TNFRSF1B: variants seen among roughly 807,000 people sequenced by gnomAD.
TNFRSF1B encodes the protein TNF receptor superfamily member 1B.
Under a neutral mutation model 44.6 loss-of-function variants are expected in TNFRSF1B, and 19 were observed. That is an observed-to-expected ratio of 0.43 (90% CI 0.30 to 0.62). The LOEUF (loss-of-function observed/expected upper bound fraction) is 0.62. Among genes scored for constraint, TNFRSF1B ranks in the 20% least tolerant of loss-of-function variants. The pLI, the probability that TNFRSF1B is intolerant of heterozygous loss-of-function variation, is 0.16. For missense variants in TNFRSF1B, 541 were observed against 619.9 expected, an observed-to-expected ratio of 0.87 and a Z score of 1.35; for synonymous variants, 252 against 261.1, an observed-to-expected ratio of 0.97 and a Z score of 0.34.
At chr1:12,201,071 A>G (rs964378416) in intron 8 of TNFRSF1B, among the ~76,000 whole-genome samples, 5 of 152,122 alleles carry the variant, frequency 3.3e-5, no homozygotes, top group Non-Finnish European at 7.4e-5. Flanking sequence ...TGGGTAACAT[A>G]GCACAACCCT....
chr1:12,201,260 CAAAAAAA>C (rs1177930307), intron 8 of TNFRSF1B, among the ~76,000 whole-genome samples: 5 of 55,802 alleles, frequency 9.0e-5, no homozygotes, highest in African/African-American at 1.3e-4. Flanking sequence ...GACCCTGTCT[CAAAAAAA>C]AAAAAAAAAA....
intron 1 of TNFRSF1B, among the ~76,000 whole-genome samples, chr1:12,185,141 G>C (rs566291462): frequency 6.6e-6 from 1 of 152,270 alleles, no homozygotes; most frequent in East Asian, 1.9e-4. Flanking sequence ...AGCTGCAGAA[G>C]CTGCCATTTC....
At position 12,206,976 on chromosome 1, in the gene TNFRSF1B, C is replaced by T. The variant is rs1222778333; in HGVS notation, c.1342C>T (p.Pro448Ser). 6.2e-7 allele frequency: 1 copy of T among 1,607,710 alleles called. No homozygotes were observed. The highest frequency in any genetic ancestry group is 1.7e-5 in the Admixed American group (1 of 59,744). Reference protein sequence around the residue: ...ETLLGSTEEKPLPLGVPDAGM... With the variant: ...ETLLGSTEEKSLPLGVPDAGM... The stretch of plus-strand genomic sequence containing the variant: ...CCTGCTGGGGAGCACCGAAGAGAAG[C>T]CCCTGCCCCTTGGAGTGCCTGATGC... Residue 448 changes from proline (P) to serine (S), a missense_variant, in exon 10 of 10, where the codon CCC becomes TCC. Transcript: ENST00000376259.
intron 8 of TNFRSF1B, among the ~76,000 whole-genome samples, chr1:12,198,643 G>A (rs1639320847): frequency 6.6e-6 from 1 of 151,728 alleles, no homozygotes; most frequent in Non-Finnish European, 1.5e-5. Context: ...GGCCAGGAGG[G>A]GCCGGGAGCT....
At chr1:12,175,936 C>G (rs766309841) in intron 1 of TNFRSF1B, among the ~76,000 whole-genome samples, 2 of 151,946 alleles carry the variant, frequency 1.3e-5, no homozygotes, top group Non-Finnish European at 2.9e-5. Flanking sequence ...GGGGACAGGC[C>G]GGGCACGGTG....
chr1:12,167,600 C>T, intron 1 of TNFRSF1B: 1 of 272,120 alleles, frequency 3.7e-6, no homozygotes, highest in Non-Finnish European at 7.2e-6. Context: ...GCCCCACTGC[C>T]CACGCCGGGC....
At chr1:12,202,982 A>AT (rs1441557818) in intron 9 of TNFRSF1B, among the ~76,000 whole-genome samples, 1 of 152,186 alleles carries the variant, frequency 6.6e-6, no homozygotes, top group East Asian at 1.9e-4. Flanking sequence ...ATTGTGTCCC[A>AT]TTTATGCAGG....
Position 12,193,062 on chromosome 1 carries a change from G to A in TNFRSF1B, c.751G>A (p.Ala251Thr), listed in dbSNP as rs1005304435. The change falls in exon 6 of 10, where the codon GCT becomes ACT. Residue 251 changes from alanine to threonine, a missense_variant. By Grantham distance (58) the Ala-to-Thr change is moderately conservative. Coordinates refer to ENST00000376259, the MANE Select transcript of TNFRSF1B (RefSeq NM_001066.3). ...GCTCCCAATGGGCCCCAGCCCCCCAGCTGAAGGGAGCACTGGCGACTTCGC... is the reference window on the plus strand; with the variant it reads ...GCTCCCAATGGGCCCCAGCCCCCCAACTGAAGGGAGCACTGGCGACTTCGC... ...FLLPMGPSPP[A>T]EGSTGDFALP... The A allele has an allele frequency of 3.1e-6, 5 of 1,614,060 alleles. No individual in the cohort carries two copies. Among genetic ancestry groups the A allele is most frequent in the Admixed American group, 1.7e-5 (1 of 60,004 alleles).
chr1:12,185,790 G>A (rs1490474336), intron 1 of TNFRSF1B, among the ~76,000 whole-genome samples: 1 of 152,234 alleles, frequency 6.6e-6, no homozygotes, highest in Non-Finnish European at 1.5e-5. Flanking sequence ...GAGACTAGCA[G>A]CTGCTGAGCA....
rs1488269326 is a variant in TNFRSF1B at position 12,199,905 on chromosome 1, A to T, written c.901-2062A>T. 6.6e-6 allele frequency among the ~76,000 whole-genome samples: 1 copy of T among 152,228 alleles called. No individual in the cohort carries two copies. The highest frequency in any genetic ancestry group is 1.5e-5 in the Non-Finnish European group (1 of 68,048). On this transcript the variant is annotated intron_variant, in intron 8 of 9. Transcript: ENST00000376259. This position sits in a 1 kb window ranked among gnomAD's most constrained non-coding sequence, Gnocchi z 4.0. ...TGCCATCTCCTTTTTTGCTGGGATC[A>T]GAAAACAATCGCTTAGAATTCCAAG...
rs1211123262 is a variant in TNFRSF1B, at chr1:12,193,946, T to C, written c.788-9T>C. On this transcript the variant is annotated splice_polypyrimidine_tract_variant and intron_variant, in intron 6 of 9. Coordinates refer to ENST00000376259, the MANE Select transcript of TNFRSF1B (RefSeq NM_001066.3). ...TCTGTAGCTGTCTGAGCTTCTCTTTTCTTTCTAGGACTGATTGTGGGTGTG... is the reference window on the plus strand; with the variant it reads ...TCTGTAGCTGTCTGAGCTTCTCTTTCCTTTCTAGGACTGATTGTGGGTGTG... 6.2e-7 allele frequency: 1 copy of C among 1,612,664 alleles called. No individual in the cohort carries two copies. Among genetic ancestry groups the C allele is most frequent in the South Asian group, 1.1e-5 (1 of 90,964 alleles).
In TNFRSF1B at chr1:12,178,663, G is replaced by T. The variant is rs1363114586; in HGVS notation, c.79-10133G>T. 1.3e-5 allele frequency among the ~76,000 whole-genome samples: 2 copies of T among 152,172 alleles called. No individual in the cohort carries two copies. Among genetic ancestry groups the T allele is most frequent in the African/African-American group, 4.8e-5 (2 of 41,436 alleles). The stretch of plus-strand genomic sequence containing the variant: ...GGGAACTCTTGAAAGAAGCTGAGAA[G>T]TCAGCACTGCCAGGTCGGGGGTGGC... On this transcript the variant is annotated intron_variant, in intron 1 of 9. Transcript: ENST00000376259. This position sits in a 1 kb window ranked among gnomAD's most constrained non-coding sequence, Gnocchi z 4.3.
intron 1 of TNFRSF1B, among the ~76,000 whole-genome samples, chr1:12,179,064 T>C (rs1052040609): frequency 3.9e-5 from 6 of 152,128 alleles, no homozygotes; most frequent in African/African-American, 1.2e-4. Context: ...CTCATTAGAC[T>C]CAGGGTTCCT....
Position 12,178,303 on chromosome 1 carries a change from G to A in TNFRSF1B, c.79-10493G>A, listed in dbSNP as rs546184874. 6.6e-6 allele frequency among the ~76,000 whole-genome samples: 1 copy of A among 152,344 alleles called. No homozygotes were observed. The highest frequency in any genetic ancestry group is 6.5e-5 in the Admixed American group (1 of 15,314). ...GTGTGTAGGGTGATGAGTAGCAGAA[G>A]CACGGGTGACACTGAGCTCTTTCCA... On this transcript the variant is annotated intron_variant, in intron 1 of 9. Transcript: ENST00000376259. This position sits in a 1 kb window ranked among gnomAD's most constrained non-coding sequence, Gnocchi z 4.3.
intron 4 of TNFRSF1B, 66 bp downstream of exon 4, chr1:12,191,989 T>A (rs1011546567): frequency 3.1e-5 from 49 of 1,555,684 alleles, no homozygotes; most frequent in Non-Finnish European, 4.2e-5. Flanking sequence ...ATCCTTGCAG[T>A]GTCACGGGCA....
At chr1:12,193,287 C>T (rs1219806363) in intron 6 of TNFRSF1B, 189 bp downstream of exon 6, 37 of 704,604 alleles carry the variant, frequency 5.3e-5, no homozygotes, top group Non-Finnish European at 7.7e-5. Flanking sequence ...TCCCTAAGTG[C>T]GTGGGCTGGA....
intron 1 of TNFRSF1B, among the ~76,000 whole-genome samples, chr1:12,175,927 G>A (rs889984991): frequency 2.0e-5 from 3 of 151,966 alleles, no homozygotes; most frequent in Non-Finnish European, 4.4e-5. Context: ...AGAATATTAG[G>A]GGACAGGCCG....
intron 4 of TNFRSF1B, 141 bp from the exon 5 acceptor site, chr1:12,192,290 G>A (rs1297411993): frequency 6.9e-6 from 5 of 728,840 alleles, no homozygotes; most frequent in Non-Finnish European, 1.2e-5. Flanking sequence ...GTGTGTGTGT[G>A]TGTGTGTGTG....
intron 1 of TNFRSF1B, among the ~76,000 whole-genome samples, chr1:12,174,154 T>TCTTCTTCTTCTTCTTCTTCTCCTTCTC (rs1638588861): frequency 1.4e-5 from 1 of 73,996 alleles, no homozygotes; most frequent in African/African-American, 6.3e-5. Context: ...TTCTTCTTCT[T>TCTTCTTCTTCTTCTTCTTCTCCTTCTC]CTTCTTCTTC....
Sources: allele counts gnomAD v4.1 joint callset (sites outside exome capture counted in the v4.1 genomes callset), GRCh38; gene constraint gnomAD v4.1.1; non-coding constraint Gnocchi (gnomAD v3.1); transcripts MANE v1.5; gene names NCBI Gene and HGNC (gene_info 2026-07-23, HGNC 2026-07-21).